The following SLC24A3 variants were observed in gnomAD, a reference collection of about 807,000 sequenced individuals.
SLC24A3 encodes sodium/potassium/calcium exchanger 3.
Under a neutral mutation model 75.8 loss-of-function variants are expected in SLC24A3, and 28 were observed. The observed-to-expected ratio is 0.37, with a 90% CI of 0.27 to 0.51. The LOEUF (loss-of-function observed/expected upper bound fraction) is 0.51, where lower values mean the gene tolerates loss of function less well. Among genes scored for constraint, SLC24A3 ranks in the 20% least tolerant of loss-of-function variants. The probability of loss-of-function intolerance (pLI) is 0.94; values close to 1 mark genes in which losing one functional copy is unlikely to be tolerated. For missense variants in SLC24A3, 663 were observed against 847.8 expected, an observed-to-expected ratio of 0.78 and a Z score of 2.71; for synonymous variants, 372 against 334.1, an observed-to-expected ratio of 1.11 and a Z score of -1.24.
chr20:19,429,008 C>T (rs570416889), intron 2 of SLC24A3, among the ~76,000 whole-genome samples: 9 of 152,336 alleles, frequency 5.9e-5, no homozygotes, highest in African/African-American at 2.2e-4. Flanking sequence ...TTCCCTCCCC[C>T]TCCAGTGTTT....
rs55673740 is a variant in SLC24A3 at position 19,716,801 on chromosome 20, G to A, written c.1720-727G>A. Among the ~76,000 whole-genome samples, 733 of 152,176 alleles carry A rather than the reference G, an allele frequency of 4.8e-3. 1 individual carries two copies. Among genetic ancestry groups the A allele is most frequent in the Non-Finnish European group, 8.1e-3 (552 of 68,000 alleles). On this transcript the variant is annotated intron_variant, in intron 15 of 16. Coordinates refer to ENST00000328041, the MANE Select transcript of SLC24A3 (RefSeq NM_020689.4). ...AGGTGGGAGGATCACTTGTGGCTGG[G>A]AGGTTGAGGCTATAGTGAGCCAAGA...
At chr20:19,525,281 G>A (rs1442703422) in intron 3 of SLC24A3, among the ~76,000 whole-genome samples, 1 of 152,114 alleles carries the variant, frequency 6.6e-6, no homozygotes, top group East Asian at 1.9e-4. Flanking sequence ...TTCCTCCTGA[G>A]GACCCACACC....
intron 2 of SLC24A3, among the ~76,000 whole-genome samples, chr20:19,290,760 G>A (rs984212405): frequency 1.3e-5 from 2 of 152,146 alleles, no homozygotes; most frequent in African/African-American, 4.8e-5. Flanking sequence ...TAGAATAGCT[G>A]GGCTTGCAAG....
chr20:19,285,014 C>T (rs1894519644), intron 2 of SLC24A3, among the ~76,000 whole-genome samples: 1 of 152,176 alleles, frequency 6.6e-6, no homozygotes, highest in South Asian at 2.1e-4. Context: ...AAGCCTTCCT[C>T]TACTCCCTCT....
At chr20:19,653,168 G>T (rs2032227018) in intron 6 of SLC24A3, among the ~76,000 whole-genome samples, 1 of 152,142 alleles carries the variant, frequency 6.6e-6, no homozygotes, top group Non-Finnish European at 1.5e-5. Context: ...GCCTCAACCT[G>T]ACACCCACAG....
At chr20:19,654,443 A>G (rs1449897220) in intron 7 of SLC24A3, among the ~76,000 whole-genome samples, 3 of 151,422 alleles carry the variant, frequency 2.0e-5, no homozygotes, top group East Asian at 2.0e-4. Flanking sequence ...AGCTTTGGAC[A>G]TCACTTCTCC....
At chr20:19,696,619 C>A (rs940354437) in intron 13 of SLC24A3, 178 bp from the exon 14 acceptor site, 1 of 499,534 alleles carries the variant, frequency 2.0e-6, no homozygotes, top group Non-Finnish European at 3.6e-6. Flanking sequence ...CCCTGACCTG[C>A]AGCCCCGGTC....
chr20:19,679,301 G>T (rs1600336386), intron 9 of SLC24A3, among the ~76,000 whole-genome samples: 1 of 152,232 alleles, frequency 6.6e-6, no homozygotes, highest in East Asian at 1.9e-4. Flanking sequence ...AGGAGCTGGA[G>T]ACCAGCCCGG....
intron 2 of SLC24A3, among the ~76,000 whole-genome samples, chr20:19,343,828 C>T (rs1272213089): frequency 6.6e-6 from 1 of 152,162 alleles, no homozygotes; most frequent in African/African-American, 2.4e-5. Flanking sequence ...TGGTAGGCGT[C>T]TCACTCATAA....
chr20:19,549,350 T>TAAA (rs1396413499), intron 3 of SLC24A3, among the ~76,000 whole-genome samples: 4 of 152,254 alleles, frequency 2.6e-5, no homozygotes, highest in Admixed American at 2.6e-4. Context: ...AAATGAGGTA[T>TAAA]ATTGTCCTCC....
At chr20:19,405,883 T>C (rs1986635648) in intron 2 of SLC24A3, among the ~76,000 whole-genome samples, 1 of 152,222 alleles carries the variant, frequency 6.6e-6, no homozygotes. Context: ...ATGAAACAGT[T>C]TTAACACACG....
chr20:19,267,906 A>AT, intron 1 of SLC24A3, among the ~76,000 whole-genome samples: 1 of 152,326 alleles, frequency 6.6e-6, no homozygotes, highest in East Asian at 1.9e-4. Context: ...TAGCATATTT[A>AT]TATCACTTGT....
intron 12 of SLC24A3, among the ~76,000 whole-genome samples, chr20:19,690,271 C>T (rs2032730943): frequency 6.6e-6 from 1 of 152,100 alleles, no homozygotes; most frequent in Admixed American, 6.5e-5. Context: ...ATGATGTTTT[C>T]CAGATATAAT....
Position 19,654,144 on chromosome 20 carries a change from A to C in SLC24A3, c.687+8A>C. 6.2e-7 allele frequency: 1 copy of C among 1,612,576 alleles called. No individual in the cohort carries two copies. Among genetic ancestry groups the C allele is most frequent in the Non-Finnish European group, 8.5e-7 (1 of 1,179,006 alleles). ...GTGATCGCGCTCATCGTGGTGAGTC[A>C]CTCTGGCCATTTCAGCTCCCATCAG... is the stretch of plus-strand genomic sequence containing the variant. On this transcript the variant is annotated splice_region_variant and intron_variant, in intron 7 of 16. Coordinates refer to ENST00000328041, the MANE Select transcript of SLC24A3 (RefSeq NM_020689.4).
At chr20:19,232,809 T>G (rs1366525137) in intron 1 of SLC24A3, among the ~76,000 whole-genome samples, 1 of 152,254 alleles carries the variant, frequency 6.6e-6, no homozygotes, top group African/African-American at 2.4e-5. Flanking sequence ...GTCCTCACCT[T>G]GCCTCTTCAA....
At chr20:19,229,114 G>C (rs1438994817) in intron 1 of SLC24A3, among the ~76,000 whole-genome samples, 1 of 152,066 alleles carries the variant, frequency 6.6e-6, no homozygotes, top group Non-Finnish European at 1.5e-5. Context: ...TTTTCCTAGA[G>C]AAGTGTTAAT....
At chr20:19,244,716 G>C (rs558309838) in intron 1 of SLC24A3, among the ~76,000 whole-genome samples, 47 of 152,182 alleles carry the variant, frequency 3.1e-4, no homozygotes, top group Non-Finnish European at 5.7e-4. Flanking sequence ...CTTTTCTAAA[G>C]GTCATTGTGA....
intron 2 of SLC24A3, among the ~76,000 whole-genome samples, chr20:19,424,661 G>T (rs1462618740): frequency 6.7e-6 from 1 of 148,378 alleles, no homozygotes; most frequent in East Asian, 2.0e-4. Context: ...GAGCCAAAAG[G>T]CTTGAGCCTG....
chr20:19,666,851 C>A (rs955466006), intron 8 of SLC24A3, among the ~76,000 whole-genome samples: 3 of 152,160 alleles, frequency 2.0e-5, no homozygotes, highest in Admixed American at 6.5e-5. Flanking sequence ...TGTTCAAATC[C>A]TCGTTTTCGA....
Sources: gnomAD v4.1 joint callset for allele counts (sites outside exome capture counted in the v4.1 genomes callset) on GRCh38, gnomAD v4.1.1 for gene constraint, MANE v1.5 for transcripts, NCBI Gene and HGNC (gene_info 2026-07-23, HGNC 2026-07-21) for gene names.